Variants in VPS52 observed in about 807,000 individuals in gnomAD.
VPS52 encodes VPS52 subunit of GARP complex, also known as vacuolar protein sorting-associated protein 52 homolog.
VPS52 carries 56 observed loss-of-function variants against 98.7 expected under a neutral mutation model. That is an observed-to-expected ratio of 0.57 (90% CI 0.46 to 0.71). The LOEUF (loss-of-function observed/expected upper bound fraction) is 0.71, where lower values mean the gene tolerates loss of function less well. VPS52 is among the 30% of genes least tolerant of loss of function. VPS52 has a pLI of 0.00. For synonymous variants in VPS52, 348 were observed against 346.4 expected (o/e 1.00, Z -0.05); for missense variants, 742 against 925.9 (o/e 0.80, Z 2.58).
At position 33,264,829 on chromosome 6, in the gene VPS52, G is replaced by A; in HGVS notation, c.1353C>T (p.Leu451=). The A allele has an allele frequency of 6.2e-7, 1 of 1,613,100 alleles. No individual in the cohort carries two copies. The highest frequency in any genetic ancestry group is 8.5e-7 in the Non-Finnish European group (1 of 1,180,026). Residue 451 remains leucine (L), a synonymous_variant, in exon 13 of 20, where the codon CTC becomes CTT. Coordinates refer to ENST00000445902, the MANE Select transcript of VPS52 (RefSeq NM_022553.6). ...TCTTTGCTGCAATGTTACGGAACCG[G>A]AGAACAATGTGGATACAGAGAAAAA... ...IAVFLCIHIV[L]RFRNIAAKRD... is the part of the protein sequence containing the mutation.
intron 17 of VPS52, among the ~76,000 whole-genome samples, chr6:33,257,226 G>A (rs1763096095): frequency 6.6e-6 from 1 of 151,918 alleles, no homozygotes; most frequent in Non-Finnish European, 1.5e-5. Flanking sequence ...GTAGAGATGA[G>A]GTCTCACTAT....
At chr6:33,260,198 T>C in intron 17 of VPS52, among the ~76,000 whole-genome samples, 1 of 152,294 alleles carries the variant, frequency 6.6e-6, no homozygotes, top group East Asian at 1.9e-4. Context: ...TTGTTTTGTT[T>C]TGCTGTTTGA....
At chr6:33,265,572 G>A (rs1393148534) in intron 12 of VPS52, among the ~76,000 whole-genome samples, 2 of 151,952 alleles carry the variant, frequency 1.3e-5, no homozygotes, top group African/African-American at 2.4e-5. Flanking sequence ...AGGTCTTGCC[G>A]CATTGCCCAG....
chr6:33,256,815 TG>T (rs1763029600), intron 17 of VPS52, among the ~76,000 whole-genome samples: 1 of 138,910 alleles, frequency 7.2e-6, no homozygotes, highest in Non-Finnish European at 1.5e-5. Flanking sequence ...CACTCCAGCC[TG>T]GGTGACAAGA....
intron 12 of VPS52, 106 bp downstream of exon 12, chr6:33,266,451 A>G: frequency 7.2e-7 from 1 of 1,392,832 alleles, no homozygotes; most frequent in Non-Finnish European, 9.6e-7. Context: ...GACATTTTAG[A>G]ATGAGGCGAT....
At chr6:33,271,474 G>GTAA (rs774833555) in intron 1 of VPS52, 112 bp downstream of exon 1, 1 of 1,453,430 alleles carries the variant, frequency 6.9e-7, no homozygotes. Flanking sequence ...AGCCAAACAG[G>GTAA]TAATATCACG....
In VPS52 at chr6:33,271,762, G is replaced by A. The variant is rs1562586584; in HGVS notation, c.-87C>T. 1.3e-6 allele frequency: 2 copies of A among 1,487,850 alleles called. No homozygotes were observed. The highest frequency in any genetic ancestry group is 1.8e-6 in the Non-Finnish European group (2 of 1,117,014). 92.2% of individuals were successfully genotyped at this position (1,487,850 alleles called of 1,614,324 possible). On this transcript the variant is annotated 5_prime_UTR_variant, in exon 1 of 20. Coordinates refer to ENST00000445902, the MANE Select transcript of VPS52 (RefSeq NM_022553.6). ...TACAAGTCCCAAAGGGTCTTCCTCA[G>A]CGCGAAATCGTTCCCAGATATTTGA...
Position 33,270,241 on chromosome 6 carries a change from A to G in VPS52, c.133T>C (p.Leu45=). 2 of 1,613,072 alleles carry G rather than the reference A, an allele frequency of 1.2e-6. No individual in the cohort carries two copies. The highest frequency in any genetic ancestry group is 1.7e-6 in the Non-Finnish European group (2 of 1,179,276). Residue 45 remains leucine, a synonymous_variant, in exon 2 of 20, where the codon TTG becomes CTG. Coordinates refer to ENST00000445902, the MANE Select transcript of VPS52 (RefSeq NM_022553.6). The part of the protein sequence containing the change: ...GLQEPLQLGE[L]DITSDEFILD... The stretch of plus-strand genomic sequence containing the variant: ...ATGAATTCATCAGAAGTGATATCCA[A>G]CTCCCCAAGTTGCAGTGGTTCCTGG...
chr6:33,252,092 G>C (rs1762333922), intron 17 of VPS52, 121 bp from the exon 18 acceptor site: 1 of 774,534 alleles, frequency 1.3e-6, no homozygotes. Context: ...AAAAGTTAAG[G>C]AAAATCCTCT....
In VPS52 at chr6:33,264,443, C is replaced by G; in HGVS notation, c.1455G>C (p.Glu485Asp). 6.2e-7 allele frequency: 1 copy of G among 1,614,192 alleles called. No individual in the cohort carries two copies. The highest frequency in any genetic ancestry group is 8.5e-7 in the Non-Finnish European group (1 of 1,180,044). Reference protein sequence around the residue: ...LLWPRFELILEMNVQSVRSTD... With the variant: ...LLWPRFELILDMNVQSVRSTD... ...TGCTTCGGACGCTCTGAACATTCAT[C>G]TCCAGGATCAGTTCAAACCGTGGCC... Residue 485 changes from glutamate to aspartate, a missense_variant, in exon 14 of 20, where the codon GAG (glutamate) becomes GAC (aspartate). Physicochemically the swap from Glu to Asp is conservative, Grantham distance 45. This residue lies in a region of VPS52 where 590 missense variants were observed against 793.3 expected (regional missense o/e 0.74). Transcript: ENST00000445902.
rs9469394 is a variant in VPS52 at position 33,267,397 on chromosome 6, G to A, written c.992-76C>T. On this transcript the variant is annotated intron_variant, in intron 10 of 19. Coordinates refer to ENST00000445902, the MANE Select transcript of VPS52 (RefSeq NM_022553.6). This position sits in a 1 kb window ranked among gnomAD's most constrained non-coding sequence, Gnocchi z 4.2. ...AGACTCACTATCTGTGGGGACCCCA[G>A]ACAGGCAGACGTGGCCTAGCCAGCC... 6.6e-7 allele frequency: 1 copy of A among 1,514,636 alleles called. No individual in the cohort carries two copies. The highest frequency in any genetic ancestry group is 1.4e-5 in the South Asian group (1 of 73,634). The allele number at this position is 1,514,636 out of a possible 1,614,324, so 93.8% of individuals were successfully genotyped here.
Position 33,266,160 on chromosome 6 carries a change from A to AT in VPS52, c.1281+396dup, listed in dbSNP as rs9280390. Among the ~76,000 whole-genome samples the AT allele has an allele frequency of 7.8e-3, 934 of 119,622 alleles. 11 individuals carry two copies. The highest frequency in any genetic ancestry group is 0.013 in the African/African-American group (408 of 31,892). The allele number at this position is 119,622 out of a possible 152,430, so 78.5% of individuals were successfully genotyped here. A position where few individuals can be genotyped will look rare whatever the true frequency, so the allele number is the denominator to read the frequency against. On this transcript the variant is annotated intron_variant, in intron 12 of 19. Coordinates refer to ENST00000445902, the MANE Select transcript of VPS52 (RefSeq NM_022553.6). ...CAGGCGTAAGCCACTGCACCTGGCT[A>AT]TTTTTTTTTTTTTTTTTTTTTGAGA...
rs756745414 is a variant in VPS52, at chr6:33,270,255, A to C, written c.119T>G (p.Leu40Arg). 4.3e-6 allele frequency: 7 copies of C among 1,613,412 alleles called. No individual in the cohort carries two copies. The South Asian group carries it at 7.7e-5, about 18-fold the overall frequency. Reference protein sequence around the residue: ...LAGGPGLQEPLQLGELDITSD... With the variant: ...LAGGPGLQEPRQLGELDITSD... Reference sequence around the variant, plus strand: ...AGTGATATCCAACTCCCCAAGTTGCAGTGGTTCCTGGAGCCCAGGACCACC... The same window carrying C: ...AGTGATATCCAACTCCCCAAGTTGCCGTGGTTCCTGGAGCCCAGGACCACC... Residue 40 changes from leucine (L) to arginine (R), a missense_variant, in exon 2 of 20, where the codon CTG becomes CGG. This residue lies in a region of VPS52 where 152 missense variants were observed against 132.6 expected (regional missense o/e 1.15). Transcript: ENST00000445902.
chr6:33,270,511 G>A (rs1425668616), intron 1 of VPS52, among the ~76,000 whole-genome samples: 1 of 152,170 alleles, frequency 6.6e-6, no homozygotes, highest in Non-Finnish European at 1.5e-5. Context: ...AGTGGAGGTA[G>A]CCCAGCATGG....
At chr6:33,257,725 TAGTC>T (rs1763157171) in intron 17 of VPS52, among the ~76,000 whole-genome samples, 1 of 152,014 alleles carries the variant, frequency 6.6e-6, no homozygotes, top group South Asian at 2.1e-4. Flanking sequence ...AGGACAAAAA[TAGTC>T]AGGCGTGGTA....
chr6:33,260,893 C>CA (rs1160117740), intron 17 of VPS52, among the ~76,000 whole-genome samples: 2 of 151,958 alleles, frequency 1.3e-5, no homozygotes, highest in Admixed American at 6.6e-5. Context: ...CCCAGCTACT[C>CA]AGAGGCTGAG....
In VPS52 at chr6:33,271,658, G is replaced by A. The variant is rs1401757306; in HGVS notation, c.18C>T (p.Thr6=). 3 of 1,609,546 alleles carry A rather than the reference G, an allele frequency of 1.9e-6. No individual in the cohort carries two copies. The highest frequency in any genetic ancestry group is 1.8e-4 in the Middle Eastern group (1 of 5,468). MAAAA[T]MAAAARELVL... is the part of the protein sequence containing the mutation. Reference sequence around the variant, plus strand: ...CCAGTTCCCGGGCCGCAGCCGCCATGGTCGCAGCGGCGGCCATTCCCCGCA... The same window carrying A: ...CCAGTTCCCGGGCCGCAGCCGCCATAGTCGCAGCGGCGGCCATTCCCCGCA... The change falls in exon 1 of 20, where the codon ACC becomes ACT. Residue 6 remains threonine (T), a synonymous_variant. Coordinates refer to ENST00000445902, the MANE Select transcript of VPS52 (RefSeq NM_022553.6).
At chr6:33,255,032 AAATT>A (rs1762768470) in intron 17 of VPS52, 1 of 152,144 alleles carries the variant, frequency 6.6e-6, no homozygotes, top group Non-Finnish European at 1.5e-5. Flanking sequence ...GTGGTTTAAA[AAATT>A]ATTTCATCTG....
chr6:33,264,003 C>G lies in VPS52; in HGVS notation c.1620+5G>C, dbSNP rs1763973765. ...GCTGGGAAGTGTCTCCTGTCCGACCCTCACCTGCAGCTGTCCCAGCAATTG... is the reference window on the plus strand; with the variant it reads ...GCTGGGAAGTGTCTCCTGTCCGACCGTCACCTGCAGCTGTCCCAGCAATTG... On this transcript the variant is annotated splice_donor_5th_base_variant and intron_variant, in intron 15 of 19. Coordinates refer to ENST00000445902, the MANE Select transcript of VPS52 (RefSeq NM_022553.6). 1 of 1,614,116 alleles carries G rather than the reference C, an allele frequency of 6.2e-7. No individual in the cohort carries two copies. Among genetic ancestry groups the G allele is most frequent in the South Asian group, 1.1e-5 (1 of 91,090 alleles).
Sources: allele counts gnomAD v4.1 joint callset (sites outside exome capture counted in the v4.1 genomes callset), GRCh38; gene constraint gnomAD v4.1.1; regional missense constraint gnomAD v4.1.1; non-coding constraint Gnocchi (gnomAD v3.1); transcripts MANE v1.5; gene names NCBI Gene and HGNC (gene_info 2026-07-23, HGNC 2026-07-21).